Variants in FER1L6 observed in about 807,000 individuals in gnomAD.
The protein encoded by FER1L6 is fer-1-like protein 6.
In FER1L6, 177 loss-of-function variants were observed where a neutral mutation model predicts 219.2. The observed-to-expected ratio is 0.81, with a 90% CI of 0.71 to 0.91. The LOEUF (loss-of-function observed/expected upper bound fraction) is 0.91, where lower values mean the gene tolerates loss of function less well. Among genes scored for constraint, FER1L6 ranks in the 40% least tolerant of loss-of-function variants. FER1L6 has a pLI of 0.00. For missense variants in FER1L6, 2,153 were observed against 2,259.9 expected (o/e 0.95, Z 0.96); for synonymous variants, 768 against 824.3 (o/e 0.93, Z 1.17).
At chr8:124,066,341 A>C (rs1383150657) in intron 26 of FER1L6, 87 bp from the exon 27 acceptor site, 6 of 1,494,380 alleles carry the variant, frequency 4.0e-6, no homozygotes, top group Non-Finnish European at 5.4e-6. Flanking sequence ...TGGACACCTA[A>C]ATGTTTTCTT....
At chr8:123,870,982 G>C (rs969836340) in intron 1 of FER1L6, among the ~76,000 whole-genome samples, 1 of 152,154 alleles carries the variant, frequency 6.6e-6, no homozygotes, top group African/African-American at 2.4e-5. Context: ...TTCCCATGGA[G>C]GTATGTGTTA....
chr8:124,087,177 T>C (rs1478403868), intron 33 of FER1L6, among the ~76,000 whole-genome samples: 1 of 152,116 alleles, frequency 6.6e-6, no homozygotes, highest in Non-Finnish European at 1.5e-5. Flanking sequence ...CTGATCTCTC[T>C]CTCTCTCTCT....
chr8:123,876,171 C>T lies in FER1L6; in HGVS notation c.-8+23986C>T, dbSNP rs76848307. 8.8e-3 allele frequency among the ~76,000 whole-genome samples: 1,336 copies of T among 152,290 alleles called. 12 individuals are homozygous for T. Among genetic ancestry groups the T allele is most frequent in the South Asian group, 0.014 (67 of 4,828 alleles). On this transcript the variant is annotated intron_variant, in intron 1 of 40. Coordinates refer to ENST00000522917, the MANE Select transcript of FER1L6 (RefSeq NM_001039112.2). ...CTTCCCTCTCTTTCTACATCCCAGT[C>T]CCACTTACCTGTCTGCTCTTTCTTG...
intron 1 of FER1L6, among the ~76,000 whole-genome samples, chr8:123,875,178 G>C (rs560069821): frequency 2.0e-5 from 3 of 152,100 alleles, no homozygotes; most frequent in Admixed American, 6.5e-5. Context: ...CTGGTGATAA[G>C]AGTGAGACTC....
At chr8:124,037,678 T>C (rs1819279086) in intron 19 of FER1L6, among the ~76,000 whole-genome samples, 1 of 152,156 alleles carries the variant, frequency 6.6e-6, no homozygotes, top group Non-Finnish European at 1.5e-5. Flanking sequence ...TCAGGCTCCA[T>C]ATTGGTCCCC....
chr8:124,118,259 G>C (rs1001569474), intron 39 of FER1L6, among the ~76,000 whole-genome samples: 1 of 152,140 alleles, frequency 6.6e-6, no homozygotes. Context: ...CTATGGCATA[G>C]TGCTCTAAAG....
In FER1L6 at chr8:124,103,264, A is replaced by G; in HGVS notation, c.5244A>G (p.Lys1748=). 1 of 1,614,052 alleles carries G rather than the reference A, an allele frequency of 6.2e-7. No individual in the cohort carries two copies. The highest frequency in any genetic ancestry group is 8.5e-7 in the Non-Finnish European group (1 of 1,179,982). ...EETKISIFQQ[K]RVRGWWPFSK... Reference sequence around the variant, plus strand: ...CCAAGATCTCTATATTCCAGCAAAAACGTGTGCGTGGCTGGTGGCCTTTTT... The same window carrying G: ...CCAAGATCTCTATATTCCAGCAAAAGCGTGTGCGTGGCTGGTGGCCTTTTT... The change falls in exon 39 of 41, where the codon AAA becomes AAG. Residue 1748 remains lysine, a synonymous_variant. Transcript: ENST00000522917.
chr8:124,001,507 C>T (rs111432477), intron 12 of FER1L6, among the ~76,000 whole-genome samples: 8,544 of 152,284 alleles, frequency 0.056, 562 homozygotes, highest in African/African-American at 0.16. Flanking sequence ...AGAGGTCAAA[C>T]AACCACCTCA....
intron 12 of FER1L6, 107 bp downstream of exon 12, chr8:123,986,283 G>C (rs1816581496): frequency 3.1e-6 from 2 of 648,316 alleles, no homozygotes; most frequent in Non-Finnish European, 5.4e-6. Flanking sequence ...TCTGGTGGAG[G>C]TTTGCATCTC....
At chr8:123,911,650 A>G (rs1463117407) in intron 1 of FER1L6, among the ~76,000 whole-genome samples, 1 of 152,134 alleles carries the variant, frequency 6.6e-6, no homozygotes, top group Non-Finnish European at 1.5e-5. Context: ...AGCTGCAATG[A>G]TCCTTGGAGA....
chr8:124,071,841 T>TC (rs1821089083), intron 31 of FER1L6, among the ~76,000 whole-genome samples: 1 of 152,158 alleles, frequency 6.6e-6, no homozygotes, highest in Non-Finnish European at 1.5e-5. Flanking sequence ...TGCTGTGTCC[T>TC]CACACAGCCT....
At chr8:123,961,880 C>CT (rs1295109025) in intron 2 of FER1L6, among the ~76,000 whole-genome samples, 5,515 of 129,146 alleles carry the variant, frequency 0.043, 158 homozygotes, top group African/African-American at 0.054. Flanking sequence ...TGTTTGTTTT[C>CT]TTTTTTTTTT....
rs200890539 is a variant in FER1L6, at chr8:124,082,280, G to C, written c.4221-8G>C. On this transcript the variant is annotated splice_polypyrimidine_tract_variant and splice_region_variant and intron_variant, in intron 32 of 40. Coordinates refer to ENST00000522917, the MANE Select transcript of FER1L6 (RefSeq NM_001039112.2). ...AACTGACTCTTGAAGTCTCTGCTTG[G>C]ACCGCAGGTCATTTGAGATCCAAGC... 1.0e-4 allele frequency: 161 copies of C among 1,609,532 alleles called. 1 individual carries two copies. The Middle Eastern group carries it at 4.3e-3, about 43-fold the overall frequency.
intron 1 of FER1L6, among the ~76,000 whole-genome samples, chr8:123,941,874 A>G (rs1814256546): frequency 6.6e-6 from 1 of 152,232 alleles, no homozygotes; most frequent in African/African-American, 2.4e-5. Flanking sequence ...CAGCTCTTGC[A>G]GTGCCATGAT....
At chr8:123,876,794 G>C (rs1817011839) in intron 1 of FER1L6, among the ~76,000 whole-genome samples, 1 of 152,096 alleles carries the variant, frequency 6.6e-6, no homozygotes, top group South Asian at 2.1e-4. Context: ...CTCTCAACTA[G>C]AATATATGCT....
intron 21 of FER1L6, among the ~76,000 whole-genome samples, chr8:124,049,222 A>C (rs2130776351): frequency 6.6e-6 from 1 of 151,982 alleles, no homozygotes; most frequent in South Asian, 2.1e-4. Context: ...TAATTTTTGT[A>C]TTTTTAGTAG....
In FER1L6 at chr8:124,069,439, C is replaced by A; in HGVS notation, c.3798C>A (p.Pro1266=). ...AAGACAAAATGCTCAAGAAGAAACC[C>A]AAAGATGATGGAATCCCCAACCTGG... The part of the protein sequence containing the change: ...KKKDKMLKKK[P]KDDGIPNLAI... Residue 1266 remains proline, a synonymous_variant, in exon 29 of 41, where the codon CCC becomes CCA. Coordinates refer to ENST00000522917, the MANE Select transcript of FER1L6 (RefSeq NM_001039112.2). 1 of 1,611,140 alleles carries A rather than the reference C, an allele frequency of 6.2e-7. No individual in the cohort carries two copies.
chr8:123,980,621 C>T lies in FER1L6; in HGVS notation c.1220C>T (p.Ser407Leu). ...GTAGAAATTGCTGTGGAAATCCTCT[C>T]AGGACGGGCACAGGAATCTAAATTT... ...ILVEIAVEIL[S>L]GRAQESKFSK... Residue 407 changes from serine to leucine, a missense_variant, in exon 11 of 41, where the codon TCA becomes TTA. Transcript: ENST00000522917. 6.2e-7 allele frequency: 1 copy of T among 1,614,132 alleles called. No individual in the cohort carries two copies. The highest frequency in any genetic ancestry group is 8.5e-7 in the Non-Finnish European group (1 of 1,180,012).
intron 1 of FER1L6, among the ~76,000 whole-genome samples, chr8:123,866,309 T>C (rs981454790): frequency 6.6e-6 from 1 of 151,638 alleles, no homozygotes; most frequent in African/African-American, 2.4e-5. Flanking sequence ...ATCATGTGTA[T>C]ATATATTTTA....
Sources: allele counts gnomAD v4.1 joint callset (sites outside exome capture counted in the v4.1 genomes callset), GRCh38; gene constraint gnomAD v4.1.1; transcripts MANE v1.5; gene names NCBI Gene and HGNC (gene_info 2026-07-23, HGNC 2026-07-21).